Variants in DDC observed in about 807,000 individuals in gnomAD.
The protein encoded by DDC is aromatic-L-amino-acid decarboxylase.
Under a neutral mutation model 60.0 loss-of-function variants are expected in DDC, and 43 were observed. The observed-to-expected ratio is 0.72, with a 90% CI of 0.56 to 0.92. The LOEUF is 0.92. Among genes scored for constraint, DDC ranks in the 40% least tolerant of loss-of-function variants. DDC has a pLI of 0.00. For synonymous variants in DDC, 232 were observed against 234.6 expected (o/e 0.99, Z 0.10); for missense variants, 573 against 620.2 (o/e 0.92, Z 0.81).
intron 14 of DDC, among the ~76,000 whole-genome samples, chr7:50,460,438 G>A (rs1319489734): frequency 6.1e-5 from 9 of 148,484 alleles, no homozygotes; most frequent in Admixed American, 2.0e-4. Flanking sequence ...CCGGCCAGCC[G>A]CCCCGTCCGG....
At chr7:50,535,401 C>A (rs1585250356) in intron 4 of DDC, among the ~76,000 whole-genome samples, 1 of 152,350 alleles carries the variant, frequency 6.6e-6, no homozygotes, top group East Asian at 1.9e-4. Context: ...CCTGCCTTGG[C>A]CTCACAAAGT....
At chr7:50,471,274 C>G (rs1257478564) in intron 11 of DDC, among the ~76,000 whole-genome samples, 1 of 152,278 alleles carries the variant, frequency 6.6e-6, no homozygotes, top group Admixed American at 6.5e-5. Flanking sequence ...TGCCTGTAAT[C>G]CCATCTACTT....
chr7:50,506,250 G>A (rs114464293), intron 6 of DDC, among the ~76,000 whole-genome samples: 1,926 of 152,308 alleles, frequency 0.013, 43 homozygotes, highest in African/African-American at 0.043. Context: ...GCCCCACAGA[G>A]GAGATGCTGG....
chr7:50,507,694 T>A (rs1319054669), intron 6 of DDC, among the ~76,000 whole-genome samples: 1 of 152,214 alleles, frequency 6.6e-6, no homozygotes, highest in Non-Finnish European at 1.5e-5. Flanking sequence ...CTTAGATTCT[T>A]ATGTAATTAC....
intron 9 of DDC, among the ~76,000 whole-genome samples, chr7:50,486,179 T>C (rs140825542): frequency 6.6e-6 from 1 of 152,340 alleles, no homozygotes; most frequent in African/African-American, 2.4e-5. Flanking sequence ...ACAGCTCTCA[T>C]TCTCCAGCTT....
chr7:50,544,244 T>C, intron 1 of DDC, 131 bp from the exon 2 acceptor site: 3 of 716,578 alleles, frequency 4.2e-6, no homozygotes, highest in Non-Finnish European at 7.5e-6. Context: ...GGATCCCAAG[T>C]AAGGGGCGCT....
At chr7:50,543,006 A>G (rs186157770) in intron 2 of DDC, 1 of 152,484 alleles carries the variant, frequency 6.6e-6, no homozygotes, top group Non-Finnish European at 1.5e-5. Context: ...TTCTATGAAA[A>G]TCACATGTCG....
intron 9 of DDC, among the ~76,000 whole-genome samples, chr7:50,482,196 G>A (rs1406104869): frequency 1.3e-5 from 2 of 152,186 alleles, no homozygotes; most frequent in Non-Finnish European, 2.9e-5. Flanking sequence ...TGCAGTCTGC[G>A]AGCTCCTCTT....
intron 4 of DDC, among the ~76,000 whole-genome samples, chr7:50,533,384 C>T (rs2044282975): frequency 6.6e-6 from 1 of 151,984 alleles, no homozygotes; most frequent in Admixed American, 6.6e-5. Flanking sequence ...CAACATCCAC[C>T]TCCTGGGTTC....
chr7:50,533,948 G>A (rs892706192), intron 4 of DDC, among the ~76,000 whole-genome samples: 2 of 152,232 alleles, frequency 1.3e-5, no homozygotes, highest in Non-Finnish European at 2.9e-5. Context: ...TGTAAGAGCA[G>A]CTAAGTGACT....
intron 13 of DDC, among the ~76,000 whole-genome samples, chr7:50,464,849 A>G (rs1408870269): frequency 6.6e-6 from 1 of 152,208 alleles, no homozygotes; most frequent in Non-Finnish European, 1.5e-5. Flanking sequence ...TGAAATTCAG[A>G]TTAGAGAGGA....
intron 1 of DDC, among the ~76,000 whole-genome samples, chr7:50,556,789 C>T (rs1455715750): frequency 1.3e-5 from 2 of 152,194 alleles, no homozygotes; most frequent in African/African-American, 2.4e-5. Context: ...AATGGAACTG[C>T]CACAATCAAG....
chr7:50,563,423 T>A (rs1585304374), intron 1 of DDC, among the ~76,000 whole-genome samples: 1 of 152,168 alleles, frequency 6.6e-6, no homozygotes, highest in South Asian at 2.1e-4. Context: ...TTTCTAAATG[T>A]TTACTAATGT....
chr7:50,479,934 C>T (rs933708413), intron 9 of DDC, 71 bp from the exon 10 acceptor site: 2 of 1,251,292 alleles, frequency 1.6e-6, no homozygotes, highest in Non-Finnish European at 2.3e-6. Context: ...CCCCTCTCCC[C>T]ACCTGCCTCA....
At chr7:50,480,747 G>A (rs949604437) in intron 9 of DDC, among the ~76,000 whole-genome samples, 1 of 152,218 alleles carries the variant, frequency 6.6e-6, no homozygotes, top group African/African-American at 2.4e-5. Flanking sequence ...TCCAGGGACA[G>A]CACAGTGACT....
intron 13 of DDC, among the ~76,000 whole-genome samples, chr7:50,464,482 A>G (rs2042352415): frequency 6.6e-6 from 1 of 152,248 alleles, no homozygotes; most frequent in Non-Finnish European, 1.5e-5. Flanking sequence ...ATGAGGATAG[A>G]GAAAAAAAGA....
intron 1 of DDC, among the ~76,000 whole-genome samples, chr7:50,556,655 A>C (rs1446184069): frequency 1.3e-5 from 2 of 152,214 alleles, no homozygotes; most frequent in African/African-American, 4.8e-5. Flanking sequence ...ATTCAGGAGG[A>C]ATCAAATCCA....
chr7:50,542,809 A>C (rs747043444), intron 2 of DDC: 1 of 152,316 alleles, frequency 6.6e-6, no homozygotes, highest in Non-Finnish European at 1.5e-5. Context: ...CCCTGGAAGA[A>C]GAAATGTGAG....
At chr7:50,510,123 C>T (rs1205461936) in intron 6 of DDC, among the ~76,000 whole-genome samples, 1 of 152,018 alleles carries the variant, frequency 6.6e-6, no homozygotes, top group Non-Finnish European at 1.5e-5. Context: ...AGGTGACTGC[C>T]ACCATGCCCG....
Sources: gnomAD v4.1 joint callset for allele counts (sites outside exome capture counted in the v4.1 genomes callset) on GRCh38, gnomAD v4.1.1 for gene constraint, MANE v1.5 for transcripts, NCBI Gene and HGNC (gene_info 2026-07-23, HGNC 2026-07-21) for gene names.